VRK3: variants seen among roughly 807,000 people sequenced by gnomAD.
The protein encoded by VRK3 is serine/threonine-protein kinase VRK3.
In VRK3, 50 loss-of-function variants were observed where a neutral mutation model predicts 60.4. The ratio of observed to expected loss-of-function variants is 0.83; its 90% CI spans 0.66 to 1.05. VRK3 has a LOEUF of 1.05. VRK3 is among the 50% of genes least tolerant of loss of function. The probability of loss-of-function intolerance (pLI) is 0.00; values close to 1 mark genes in which losing one functional copy is unlikely to be tolerated. For missense variants in VRK3, 549 were observed against 585.3 expected (o/e 0.94, Z 0.64); for synonymous variants, 246 against 227.8 (o/e 1.08, Z -0.72).
chr19:50,008,074 T>A, intron 4 of VRK3, among the ~76,000 whole-genome samples: 1 of 152,070 alleles, frequency 6.6e-6, no homozygotes, highest in East Asian at 1.9e-4. Context: ...GCTAGTCAGA[T>A]GCGGGTCTGA....
At chr19:50,013,036 G>C (rs1417786397) in intron 3 of VRK3, among the ~76,000 whole-genome samples, 1 of 152,036 alleles carries the variant, frequency 6.6e-6, no homozygotes, top group Non-Finnish European at 1.5e-5. Flanking sequence ...GCGTGGTGGT[G>C]GGCGCCTGTA....
intron 1 of VRK3, among the ~76,000 whole-genome samples, chr19:50,022,223 C>T (rs1427823168): frequency 6.6e-6 from 1 of 152,168 alleles, no homozygotes; most frequent in African/African-American, 2.4e-5. Flanking sequence ...GTTCTTGGGG[C>T]AGCAGGTCAG....
At chr19:49,992,761 C>A (rs2076633073) in intron 10 of VRK3, 99 bp downstream of exon 10, 11 of 1,103,814 alleles carry the variant, frequency 1.0e-5, no homozygotes, top group Non-Finnish European at 1.5e-5. Context: ...GACAGCAATC[C>A]TTTGTCTGTA....
In VRK3 at chr19:49,997,534, A is replaced by T; in HGVS notation, c.649T>A (p.Phe217Ile). 1 of 1,613,928 alleles carries T rather than the reference A, an allele frequency of 6.2e-7. No individual in the cohort carries two copies. Among genetic ancestry groups the T allele is most frequent in the South Asian group, 1.1e-5 (1 of 91,044 alleles). Residue 217 changes from phenylalanine (F) to isoleucine (I), a missense_variant, in exon 7 of 15, where the codon TTC becomes ATC. Coordinates refer to ENST00000316763, the MANE Select transcript of VRK3 (RefSeq NM_016440.4). The stretch of plus-strand genomic sequence containing the variant: ...AGAGGCTTGGCGGCCCGCTGGAAGA[A>T]GTTCTGCTCATTGAACAAGCGCCCA... ...KDGRLFNEQN[F>I]FQRAAKPLQV...
intron 12 of VRK3, among the ~76,000 whole-genome samples, chr19:49,983,256 C>G (rs142459911): frequency 5.3e-5 from 8 of 152,218 alleles, no homozygotes; most frequent in African/African-American, 1.9e-4. Flanking sequence ...GGCCACACAT[C>G]CACGCACGTA....
chr19:50,007,016 C>G (rs1369323544), intron 5 of VRK3, among the ~76,000 whole-genome samples: 1 of 152,158 alleles, frequency 6.6e-6, no homozygotes, highest in Non-Finnish European at 1.5e-5. Context: ...CCAGCCCCAC[C>G]CCCAAGCACG....
At chr19:49,989,011 GACA>G (rs1460816810) in intron 11 of VRK3, among the ~76,000 whole-genome samples, 2 of 152,116 alleles carry the variant, frequency 1.3e-5, no homozygotes, top group Non-Finnish European at 1.5e-5. Flanking sequence ...GCTTAATTTA[GACA>G]ACGCTTTGTG....
At chr19:49,988,308 C>A in intron 12 of VRK3, 64 bp downstream of exon 12, 1 of 1,568,608 alleles carries the variant, frequency 6.4e-7, no homozygotes, top group South Asian at 1.1e-5. Flanking sequence ...GGGCTCTGGG[C>A]TTCTGTCCAC....
At chr19:50,015,167 G>C (rs1037775900) in intron 3 of VRK3, among the ~76,000 whole-genome samples, 17 of 152,114 alleles carry the variant, frequency 1.1e-4, no homozygotes, top group African/African-American at 4.1e-4. Context: ...GTGAAGGCAT[G>C]TTCAGACTAA....
At chr19:49,997,840 T>C (rs10407036) in intron 6 of VRK3, 10,296 of 357,944 alleles carry the variant, frequency 0.029, 950 homozygotes, top group African/African-American at 0.2. Flanking sequence ...GTTTCCCAGC[T>C]TCCTTTGCAG....
chr19:50,000,438 T>C (rs1307802380), intron 6 of VRK3: 1 of 338,482 alleles, frequency 3.0e-6, no homozygotes, highest in Non-Finnish European at 5.6e-6. Context: ...AGGTGCTCGA[T>C]ACGAGCACGC....
At chr19:50,019,971 T>C (rs1376678459) in intron 2 of VRK3, among the ~76,000 whole-genome samples, 2 of 151,876 alleles carry the variant, frequency 1.3e-5, no homozygotes, top group Non-Finnish European at 2.9e-5. Context: ...CTCCGTCTCC[T>C]AGGTTCAAGC....
intron 6 of VRK3, 165 bp downstream of exon 6, chr19:50,000,625 T>C: frequency 2.7e-6 from 2 of 742,184 alleles, no homozygotes; most frequent in East Asian, 2.7e-5. Flanking sequence ...CCTGGGATGA[T>C]GGAGAACTGG....
chr19:49,999,793 G>A (rs190056016), intron 6 of VRK3: 7 of 152,380 alleles, frequency 4.6e-5, no homozygotes, highest in African/African-American at 1.7e-4. Context: ...AGAGAGCAAG[G>A]CTGTATTTCT....
chr19:50,013,278 G>A (rs1483905505), intron 3 of VRK3, among the ~76,000 whole-genome samples: 1 of 152,208 alleles, frequency 6.6e-6, no homozygotes, highest in Non-Finnish European at 1.5e-5. Context: ...GAGACCTCAA[G>A]GCAGTAAGCA....
Position 49,989,612 on chromosome 19 carries a change from G to A in VRK3, c.1096+27C>T, listed in dbSNP as rs772737823. 3 of 1,589,464 alleles carry A rather than the reference G, an allele frequency of 1.9e-6. No homozygotes were observed. The South Asian group carries it at 3.4e-5, about 18-fold the overall frequency. On this transcript the variant is annotated intron_variant, in intron 11 of 14. Coordinates refer to ENST00000316763, the MANE Select transcript of VRK3 (RefSeq NM_016440.4). Reference sequence around the variant, plus strand: ...CTTGTATAAGAAGCATCTCTCTGCGGTCCCAAACCCATCCCTGGCCTCGTA... The same window carrying A: ...CTTGTATAAGAAGCATCTCTCTGCGATCCCAAACCCATCCCTGGCCTCGTA...
chr19:50,015,027 G>A (rs2077052617), intron 3 of VRK3, among the ~76,000 whole-genome samples: 1 of 152,100 alleles, frequency 6.6e-6, no homozygotes, highest in Admixed American at 6.5e-5. Flanking sequence ...GGGTGGGTGT[G>A]TCACGGGGTG....
At chr19:49,978,869 T>A in intron 14 of VRK3, 1 of 458,606 alleles carries the variant, frequency 2.2e-6, no homozygotes, top group Non-Finnish European at 3.8e-6. Context: ...CAATCCCCAC[T>A]TTTCTTAAAG....
chr19:50,016,086 A>G lies in VRK3; in HGVS notation c.77T>C (p.Leu26Ser), dbSNP rs2077071920. 6.2e-7 allele frequency: 1 copy of G among 1,614,234 alleles called. No homozygotes were observed. Among genetic ancestry groups the G allele is most frequent in the Non-Finnish European group, 8.5e-7 (1 of 1,180,044 alleles). The change falls in exon 3 of 15, where the codon TTG (leucine) becomes TCG (serine). Residue 26 changes from leucine (L) to serine (S), a missense_variant. By Grantham distance (145) the Leu-to-Ser change is moderately radical. Coordinates refer to ENST00000316763, the MANE Select transcript of VRK3 (RefSeq NM_016440.4). ...GGACCCTACATGCTCCTCTACAGGC[A>G]AAGAATTTCCACAGTAGGGGCAGAA... ...FKFCPYCGNS[L>S]PVEEHVGSQT...
Sources: gnomAD v4.1 joint callset for allele counts (sites outside exome capture counted in the v4.1 genomes callset) on GRCh38, gnomAD v4.1.1 for gene constraint, MANE v1.5 for transcripts, NCBI Gene and HGNC (gene_info 2026-07-23, HGNC 2026-07-21) for gene names.